Variants in KBTBD12 observed in about 807,000 individuals in gnomAD.
KBTBD12 encodes the protein kelch repeat and BTB domain containing 12.
A neutral mutation model predicts 58.7 loss-of-function variants in KBTBD12; 53 were observed. That is an observed-to-expected ratio of 0.90 (90% CI 0.72 to 1.14). The LOEUF is 1.14. Among genes scored for constraint, KBTBD12 ranks in the 50% most tolerant of loss-of-function variants. KBTBD12 has a pLI of 0.00. For synonymous variants in KBTBD12, 236 were observed against 259.8 expected, an observed-to-expected ratio of 0.91 and a Z score of 0.88; for missense variants, 704 against 751.3, an observed-to-expected ratio of 0.94 and a Z score of 0.74.
At chr3:127,927,256 G>T (rs1032152262) in intron 2 of KBTBD12, among the ~76,000 whole-genome samples, 2 of 152,138 alleles carry the variant, frequency 1.3e-5, no homozygotes, top group African/African-American at 4.8e-5. Context: ...AACTACAACA[G>T]TTCTTAAAAT....
At chr3:127,971,401 T>C (rs1248625287) in intron 5 of KBTBD12, among the ~76,000 whole-genome samples, 1 of 152,136 alleles carries the variant, frequency 6.6e-6, no homozygotes, top group Non-Finnish European at 1.5e-5. Context: ...CTTGTATATC[T>C]CACAAAGAGG....
intron 4 of KBTBD12, among the ~76,000 whole-genome samples, chr3:127,953,453 T>C (rs1040899580): frequency 6.6e-6 from 1 of 152,250 alleles, no homozygotes; most frequent in Non-Finnish European, 1.5e-5. Context: ...TAAGGAACTC[T>C]TTGAAAATAT....
intron 5 of KBTBD12, among the ~76,000 whole-genome samples, chr3:127,969,171 G>A (rs1016480598): frequency 5.3e-5 from 8 of 151,866 alleles, no homozygotes; most frequent in South Asian, 2.1e-4. Flanking sequence ...CATTTTTTTC[G>A]AAAATCTTAA....
At chr3:127,957,780 G>C (rs1443492880) in intron 4 of KBTBD12, among the ~76,000 whole-genome samples, 1 of 152,212 alleles carries the variant, frequency 6.6e-6, no homozygotes, top group Non-Finnish European at 1.5e-5. Context: ...GGATACAGAT[G>C]TGATTAGACA....
chr3:127,984,359 CCAGT>C lies in KBTBD12; in HGVS notation c.*84_*87del. The C allele has an allele frequency of 1.5e-6, 2 of 1,303,504 alleles. No homozygotes were observed. The highest frequency in any genetic ancestry group is 2.2e-6 in the Non-Finnish European group (2 of 925,742). 80.7% of individuals were successfully genotyped at this position (1,303,504 alleles called of 1,614,324 possible). A position where few individuals can be genotyped will look rare whatever the true frequency, so the allele number is the denominator to read the frequency against. ...GAGGGCCCACAGCATCTCTGTCATGCCAGTCATGTGCACTGCATGCGTAGTGGCC... is the reference window on the plus strand; with the variant it reads ...GAGGGCCCACAGCATCTCTGTCATGCCATGTGCACTGCATGCGTAGTGGCC... On this transcript the variant is annotated 3_prime_UTR_variant, in exon 6 of 6. Coordinates refer to ENST00000405109, the MANE Select transcript of KBTBD12 (RefSeq NM_207335.4).
At chr3:127,980,130 T>C (rs141419101) in intron 5 of KBTBD12, among the ~76,000 whole-genome samples, 75 of 152,260 alleles carry the variant, frequency 4.9e-4, no homozygotes, top group African/African-American at 1.6e-3. Context: ...GTGCACATAT[T>C]AGTAGACATT....
At chr3:127,963,687 T>C (rs992605855) in intron 5 of KBTBD12, 3 of 272,284 alleles carry the variant, frequency 1.1e-5, no homozygotes, top group Non-Finnish European at 2.1e-5. Context: ...GATTAGTACT[T>C]GGGTGGGAGA....
rs1334338854 is a variant in KBTBD12, at chr3:127,984,508, A to C, written c.*230A>C. 2 of 429,164 alleles carry C rather than the reference A, an allele frequency of 4.7e-6. No individual in the cohort carries two copies. Among genetic ancestry groups the C allele is most frequent in the Non-Finnish European group, 8.5e-6 (2 of 236,008 alleles). 26.6% of individuals were successfully genotyped at this position (429,164 alleles called of 1,614,324 possible). A position where few individuals can be genotyped will look rare whatever the true frequency, so the allele number is the denominator to read the frequency against. ...CTACAAAGAAGAGGTGATGACGGCC[A>C]CAGGAGGGGCACAGGGCCACAGGAG... On this transcript the variant is annotated 3_prime_UTR_variant, in exon 6 of 6. Transcript: ENST00000405109.
chr3:127,938,606 A>G (rs1048745186), intron 4 of KBTBD12, among the ~76,000 whole-genome samples: 1 of 152,234 alleles, frequency 6.6e-6, no homozygotes, highest in Non-Finnish European at 1.5e-5. Context: ...AAATGCACTA[A>G]ATGCTTCAGT....
chr3:127,950,519 A>AT (rs989587796), intron 4 of KBTBD12, among the ~76,000 whole-genome samples: 1 of 152,060 alleles, frequency 6.6e-6, no homozygotes, highest in African/African-American at 2.4e-5. Flanking sequence ...GAGATACTGA[A>AT]TTTTTTTTAT....
At chr3:127,937,110 A>C (rs937509378) in intron 4 of KBTBD12, among the ~76,000 whole-genome samples, 1 of 152,152 alleles carries the variant, frequency 6.6e-6, no homozygotes. Context: ...AAGGAAAATA[A>C]GCATTCCACA....
At chr3:127,970,600 G>T (rs896993288) in intron 5 of KBTBD12, among the ~76,000 whole-genome samples, 1 of 152,128 alleles carries the variant, frequency 6.6e-6, no homozygotes, top group Non-Finnish European at 1.5e-5. Context: ...ATATCATTTG[G>T]CAATAAAAAG....
chr3:127,935,669 A>G (rs562743830), intron 4 of KBTBD12, among the ~76,000 whole-genome samples: 4 of 152,254 alleles, frequency 2.6e-5, no homozygotes, highest in African/African-American at 9.6e-5. Flanking sequence ...GGAGGAACAG[A>G]AAAAAAGTTA....
At chr3:127,942,174 T>TA (rs1458554284) in intron 4 of KBTBD12, among the ~76,000 whole-genome samples, 11 of 152,200 alleles carry the variant, frequency 7.2e-5, no homozygotes, top group African/African-American at 2.2e-4. Context: ...CATTTACTTT[T>TA]AAAAAATGTA....
At chr3:127,948,035 A>T (rs1335719503) in intron 4 of KBTBD12, among the ~76,000 whole-genome samples, 1 of 152,228 alleles carries the variant, frequency 6.6e-6, no homozygotes, top group Non-Finnish European at 1.5e-5. Context: ...AAGAATGGTT[A>T]TCATACCTGT....
At chr3:127,983,075 A>G (rs1206399937) in intron 5 of KBTBD12, among the ~76,000 whole-genome samples, 2 of 152,250 alleles carry the variant, frequency 1.3e-5, no homozygotes, top group Non-Finnish European at 2.9e-5. Context: ...CCTTGTTCAC[A>G]TCATTGCTAA....
At chr3:127,979,299 A>G (rs1382707109) in intron 5 of KBTBD12, among the ~76,000 whole-genome samples, 1 of 152,226 alleles carries the variant, frequency 6.6e-6, no homozygotes, top group East Asian at 1.9e-4. Context: ...AGATTTTGAA[A>G]TAACTAGGCA....
At chr3:127,946,192 G>T (rs1284628602) in intron 4 of KBTBD12, among the ~76,000 whole-genome samples, 2 of 152,106 alleles carry the variant, frequency 1.3e-5, no homozygotes, top group Non-Finnish European at 2.9e-5. Context: ...AACCTGTTAT[G>T]TTTATTCACA....
intron 4 of KBTBD12, among the ~76,000 whole-genome samples, chr3:127,939,423 G>A (rs1324486459): frequency 6.6e-6 from 1 of 152,084 alleles, no homozygotes; most frequent in Non-Finnish European, 1.5e-5. Flanking sequence ...AGATCTCAGG[G>A]AGGGTTTTTC....
Sources: gnomAD v4.1 joint callset for allele counts (sites outside exome capture counted in the v4.1 genomes callset) on GRCh38, gnomAD v4.1.1 for gene constraint, MANE v1.5 for transcripts, NCBI Gene and HGNC (gene_info 2026-07-23, HGNC 2026-07-21) for gene names.